FMN1: variants seen among roughly 807,000 people sequenced by gnomAD.
FMN1 encodes formin-1.
In FMN1, 110 loss-of-function variants were observed where a neutral mutation model predicts 132.4. The ratio of observed to expected loss-of-function variants is 0.83; its 90% CI spans 0.71 to 0.97. The LOEUF is 0.97. FMN1 is among the 50% of genes least tolerant of loss of function. FMN1 has a pLI of 0.00. For missense variants in FMN1, 1,792 were observed against 1,705.3 expected (o/e 1.05, Z -0.90); for synonymous variants, 722 against 651.7 (o/e 1.11, Z -1.64).
At chr15:32,816,761 A>G (rs2058071960) in intron 17 of FMN1, among the ~76,000 whole-genome samples, 1 of 152,190 alleles carries the variant, frequency 6.6e-6, no homozygotes, top group Non-Finnish European at 1.5e-5. Context: ...AAAAACAACC[A>G]TTGTCACGGA....
At chr15:33,082,722 T>G (rs1343758805) in intron 5 of FMN1, among the ~76,000 whole-genome samples, 1 of 152,162 alleles carries the variant, frequency 6.6e-6, no homozygotes, top group East Asian at 1.9e-4. Context: ...TCAGGCTAAC[T>G]TCTTAATATT....
intron 9 of FMN1, among the ~76,000 whole-genome samples, chr15:32,961,026 G>T (rs2030469961): frequency 6.8e-6 from 1 of 146,990 alleles, no homozygotes; most frequent in Admixed American, 6.8e-5. Context: ...AAAAGGCAGG[G>T]TTGATGGTAT....
At chr15:32,859,259 G>A (rs2059209239) in intron 16 of FMN1, among the ~76,000 whole-genome samples, 1 of 152,148 alleles carries the variant, frequency 6.6e-6, no homozygotes, top group Non-Finnish European at 1.5e-5. Flanking sequence ...TACAAAAGAA[G>A]ATAAAACTAT....
intron 7 of FMN1, among the ~76,000 whole-genome samples, chr15:32,998,841 G>A (rs906935836): frequency 2.0e-5 from 3 of 152,192 alleles, no homozygotes; most frequent in Non-Finnish European, 4.4e-5. Context: ...ATACAAATGA[G>A]CAATCAACAT....
intron 4 of FMN1, among the ~76,000 whole-genome samples, chr15:33,092,931 T>C (rs1457100654): frequency 6.6e-6 from 1 of 152,222 alleles, no homozygotes; most frequent in Non-Finnish European, 1.5e-5. Context: ...CATTTACTCA[T>C]TCATACCAAG....
intron 2 of FMN1, 147 bp from the exon 3 acceptor site, chr15:33,180,409 G>C (rs923022333): frequency 6.6e-6 from 1 of 152,162 alleles, no homozygotes; most frequent in Admixed American, 6.5e-5. Flanking sequence ...GACCCTTTAA[G>C]GTCTTCTGGA....
At chr15:32,900,396 G>C (rs963705562) in intron 13 of FMN1, 7 of 585,754 alleles carry the variant, frequency 1.2e-5, no homozygotes, top group African/African-American at 1.1e-4. Context: ...ATTTTCATTT[G>C]AGCCAGTTTA....
At chr15:32,849,111 G>A (rs2058939835) in intron 17 of FMN1, among the ~76,000 whole-genome samples, 1 of 148,950 alleles carries the variant, frequency 6.7e-6, no homozygotes, top group Admixed American at 6.7e-5. Context: ...AGCCTGTTGA[G>A]TAGCTGGGAC....
In FMN1 at chr15:33,048,632, A is replaced by AAAAAAACAAAAAAC. The variant is rs1491409229; in HGVS notation, c.2161+16324_2161+16325insGTTTTTTGTTTTTT. Among the ~76,000 whole-genome samples the AAAAAAACAAAAAAC allele has an allele frequency of 2.4e-4, 19 of 78,818 alleles. 1 individual carries two copies. Among genetic ancestry groups the AAAAAAACAAAAAAC allele is most frequent in the African/African-American group, 9.6e-4 (19 of 19,784 alleles). 51.7% of individuals were successfully genotyped at this position (78,818 alleles called of 152,430 possible). ...TACACTCGAGACTGGGCAATTTACC[A>AAAAAAACAAAAAAC]AAAAAAAAAAAAAAAAACCAACAGT... On this transcript the variant is annotated intron_variant, in intron 6 of 20. Coordinates refer to ENST00000616417, the MANE Select transcript of FMN1 (RefSeq NM_001277313.2).
intron 4 of FMN1, among the ~76,000 whole-genome samples, chr15:33,143,635 C>T (rs988501730): frequency 2.6e-5 from 4 of 152,174 alleles, no homozygotes; most frequent in Admixed American, 1.3e-4. Flanking sequence ...TTTTACTCTG[C>T]TGGGTGGCAT....
chr15:33,101,658 GCCATTCT>G (rs566863093), intron 4 of FMN1, among the ~76,000 whole-genome samples: 162 of 152,134 alleles, frequency 1.1e-3, no homozygotes, highest in Non-Finnish European at 1.9e-3. Flanking sequence ...ATTTTTACCT[GCCATTCT>G]TTGGCAGCAT....
At chr15:32,819,796 A>G (rs1319395843) in intron 17 of FMN1, among the ~76,000 whole-genome samples, 3 of 152,196 alleles carry the variant, frequency 2.0e-5, no homozygotes, top group African/African-American at 7.2e-5. Flanking sequence ...AATGACTCAC[A>G]GTCATGTATA....
chr15:33,101,290 G>A (rs1456886383), intron 4 of FMN1, among the ~76,000 whole-genome samples: 1 of 151,878 alleles, frequency 6.6e-6, no homozygotes, highest in African/African-American at 2.4e-5. Context: ...GGAGGAGGTT[G>A]GCGATTTGGT....
intron 4 of FMN1, among the ~76,000 whole-genome samples, chr15:33,118,446 G>A (rs1000058923): frequency 1.2e-4 from 18 of 152,054 alleles, no homozygotes; most frequent in Admixed American, 8.5e-4. Context: ...AGCAAACAGA[G>A]AAATAGGAAA....
At position 32,810,629 on chromosome 15, in the gene FMN1, C is replaced by T. The variant is rs533698210; in HGVS notation, c.3929-6297G>A. On this transcript the variant is annotated intron_variant, in intron 17 of 20. Coordinates refer to ENST00000616417, the MANE Select transcript of FMN1 (RefSeq NM_001277313.2). ...CACCATTTAAATGTACCCAAATAACCGAAGTTTTTATTCTCAAGAGGGTGG... is the reference window on the plus strand; with the variant it reads ...CACCATTTAAATGTACCCAAATAACTGAAGTTTTTATTCTCAAGAGGGTGG... Among the ~76,000 whole-genome samples, 44 of 152,098 alleles carry T rather than the reference C, an allele frequency of 2.9e-4. 1 individual carries two copies. In the South Asian group the frequency reaches 8.5e-3, roughly 30 times the overall value.
intron 4 of FMN1, among the ~76,000 whole-genome samples, chr15:33,109,346 G>A (rs2039608402): frequency 6.6e-6 from 1 of 151,932 alleles, no homozygotes; most frequent in South Asian, 2.1e-4. Flanking sequence ...ATGAGTATGG[G>A]GAAATTTTAA....
At chr15:32,841,717 T>C (rs1008650748) in intron 17 of FMN1, among the ~76,000 whole-genome samples, 1 of 152,184 alleles carries the variant, frequency 6.6e-6, no homozygotes, top group Non-Finnish European at 1.5e-5. Context: ...TTCTGTGTAG[T>C]AACACAGAGA....
chr15:33,147,041 T>C (rs1964251724), intron 4 of FMN1, among the ~76,000 whole-genome samples: 1 of 151,814 alleles, frequency 6.6e-6, no homozygotes, highest in African/African-American at 2.4e-5. Context: ...GATGCACACC[T>C]GTAATCCCAG....
intron 7 of FMN1, among the ~76,000 whole-genome samples, chr15:32,983,278 T>C (rs2032824743): frequency 1.3e-5 from 2 of 152,228 alleles, no homozygotes; most frequent in African/African-American, 4.8e-5. Flanking sequence ...ATATATTGCA[T>C]GGTTCTATGG....
Sources: gnomAD v4.1 joint callset for allele counts (sites outside exome capture counted in the v4.1 genomes callset) on GRCh38, gnomAD v4.1.1 for gene constraint, MANE v1.5 for transcripts, NCBI Gene and HGNC (gene_info 2026-07-23, HGNC 2026-07-21) for gene names.